SKAP2: variants seen among roughly 807,000 people sequenced by gnomAD.
The protein encoded by SKAP2 is src kinase associated phosphoprotein 2, also known as src kinase-associated phosphoprotein 2.
In SKAP2, 28 loss-of-function variants were observed where a neutral mutation model predicts 54.9. The observed-to-expected ratio is 0.51, with a 90% CI of 0.38 to 0.70. The LOEUF (loss-of-function observed/expected upper bound fraction) is 0.70. Among genes scored for constraint, SKAP2 ranks in the 30% least tolerant of loss-of-function variants. SKAP2 has a pLI of 0.00. For synonymous variants in SKAP2, 137 were observed against 134.3 expected (o/e 1.02, Z -0.14); for missense variants, 356 against 424.1 (o/e 0.84, Z 1.41).
At chr7:26,662,976 C>T (rs146768253), downstream of SKAP2, among the ~76,000 whole-genome samples, 3,063 of 152,088 alleles carry the variant, frequency 0.02, 91 homozygotes, top group African/African-American at 0.07. Flanking sequence ...AGAGACTCTA[C>T]GGACCACAAG....
chr7:26,844,890 T>C (rs185338471), intron 3 of SKAP2, among the ~76,000 whole-genome samples: 2 of 152,298 alleles, frequency 1.3e-5, no homozygotes, highest in African/African-American at 2.4e-5. Flanking sequence ...GATTTTTTGA[T>C]TGACTTTTCT....
At chr7:26,838,484 T>A (rs922074832) in intron 4 of SKAP2, among the ~76,000 whole-genome samples, 2 of 152,004 alleles carry the variant, frequency 1.3e-5, no homozygotes, top group African/African-American at 4.8e-5. Context: ...AAAATAAAAA[T>A]CCAAAAAGGC....
intron 4 of SKAP2, among the ~76,000 whole-genome samples, chr7:26,810,684 T>C (rs998135128): frequency 1.3e-5 from 2 of 152,128 alleles, no homozygotes; most frequent in Non-Finnish European, 2.9e-5. Context: ...TACATGTTTT[T>C]GTTTGTTTTT....
chr7:26,762,630 G>A (rs1782958332), intron 4 of SKAP2, among the ~76,000 whole-genome samples: 1 of 151,692 alleles, frequency 6.6e-6, no homozygotes, highest in African/African-American at 2.4e-5. Flanking sequence ...GAAGTCAGGA[G>A]ATCGAGACCA....
chr7:26,748,918 T>C (rs951637879), intron 4 of SKAP2, among the ~76,000 whole-genome samples: 1 of 152,134 alleles, frequency 6.6e-6, no homozygotes, highest in African/African-American at 2.4e-5. Context: ...GCAAGTCACT[T>C]GATTTCATTA....
intron 4 of SKAP2, among the ~76,000 whole-genome samples, chr7:26,826,974 T>C (rs1434661219): frequency 6.6e-6 from 1 of 152,146 alleles, no homozygotes; most frequent in African/African-American, 2.4e-5. Flanking sequence ...ATTTTAAGCG[T>C]ATTAGGGGAT....
chr7:26,724,982 A>G (rs1787669476), intron 9 of SKAP2, among the ~76,000 whole-genome samples: 1 of 152,100 alleles, frequency 6.6e-6, no homozygotes, highest in African/African-American at 2.4e-5. Context: ...GCAATATACT[A>G]CAAGCAAGGA....
chr7:26,754,381 CAA>C (rs1284730889), intron 4 of SKAP2, among the ~76,000 whole-genome samples: 38 of 96,642 alleles, frequency 3.9e-4, no homozygotes, highest in African/African-American at 8.2e-4. Flanking sequence ...CACACACACA[CAA>C]AAAGTATTCA....
intron 4 of SKAP2, among the ~76,000 whole-genome samples, chr7:26,843,310 C>T (rs912708089): frequency 1.4e-4 from 22 of 151,998 alleles, no homozygotes; most frequent in Non-Finnish European, 2.8e-4. Context: ...TATTGATACA[C>T]ATTCTTAATT....
chr7:26,783,941 A>G (rs1232501950), intron 4 of SKAP2, among the ~76,000 whole-genome samples: 1 of 152,066 alleles, frequency 6.6e-6, no homozygotes, highest in Non-Finnish European at 1.5e-5. Flanking sequence ...TTAAAGTATA[A>G]TAATAATGAA....
At chr7:26,709,329 T>C (rs1009772975) in intron 9 of SKAP2, among the ~76,000 whole-genome samples, 1 of 151,962 alleles carries the variant, frequency 6.6e-6, no homozygotes, top group Non-Finnish European at 1.5e-5. Flanking sequence ...TCATAAGCAG[T>C]GGTCTGAGAA....
intron 4 of SKAP2, among the ~76,000 whole-genome samples, chr7:26,745,110 A>G (rs1782534378): frequency 6.7e-6 from 1 of 149,316 alleles, no homozygotes; most frequent in Non-Finnish European, 1.5e-5. Context: ...TCCCTTTTCT[A>G]GTTGGCATTT....
At chr7:26,713,601 G>GT (rs578147464) in intron 9 of SKAP2, among the ~76,000 whole-genome samples, 15,763 of 145,880 alleles carry the variant, frequency 0.11, 819 homozygotes, top group Middle Eastern at 0.17. Context: ...GTTCTTTTTT[G>GT]TTTTTTTTTT....
chr7:26,863,905 G>A (rs1008300043), intron 1 of SKAP2, among the ~76,000 whole-genome samples: 3 of 151,966 alleles, frequency 2.0e-5, no homozygotes, highest in African/African-American at 7.3e-5. Flanking sequence ...GGCTCTGACA[G>A]CTCTTTGCAT....
At chr7:26,810,133 C>A (rs531978721) in intron 4 of SKAP2, among the ~76,000 whole-genome samples, 17 of 152,044 alleles carry the variant, frequency 1.1e-4, no homozygotes, top group African/African-American at 4.1e-4. Flanking sequence ...GCCAGGAGTT[C>A]AAGACCAGAC....
downstream of SKAP2, among the ~76,000 whole-genome samples, chr7:26,665,771 C>A (rs1401652732): frequency 6.6e-6 from 1 of 152,076 alleles, no homozygotes; most frequent in Non-Finnish European, 1.5e-5. Flanking sequence ...AACTATAAAG[C>A]AGTAGGCGTA....
At chr7:26,719,209 T>G (rs1180040271) in intron 9 of SKAP2, among the ~76,000 whole-genome samples, 1 of 151,954 alleles carries the variant, frequency 6.6e-6, no homozygotes, top group South Asian at 2.1e-4. Flanking sequence ...GATTTAGCAA[T>G]AATGAAAGGG....
intron 4 of SKAP2, among the ~76,000 whole-genome samples, chr7:26,786,190 G>A (rs983222596): frequency 1.3e-5 from 2 of 151,986 alleles, no homozygotes; most frequent in East Asian, 1.9e-4. Flanking sequence ...AGGACCCAGG[G>A]GAATTTTTTC....
chr7:26,806,038 T>C (rs1336910137), intron 4 of SKAP2, among the ~76,000 whole-genome samples: 1 of 152,164 alleles, frequency 6.6e-6, no homozygotes, highest in African/African-American at 2.4e-5. Flanking sequence ...ATAGTTACCA[T>C]TGTAATTGTT....
Sources: allele counts gnomAD v4.1 joint callset (sites outside exome capture counted in the v4.1 genomes callset), GRCh38; gene constraint gnomAD v4.1.1; transcripts MANE v1.5; gene names NCBI Gene and HGNC (gene_info 2026-07-23, HGNC 2026-07-21).